Variants in NHSL3 observed in about 807,000 individuals in gnomAD.
NHSL3 encodes the protein NHS-like protein 3.
At chr1:32,745,786 T>C in the NHSL3 span, among the ~76,000 whole-genome samples, 1 of 152,114 alleles carries the variant, frequency 6.6e-6, no homozygotes. Context: ...AGGTTTCTGC[T>C]GTTGTTATGC....
the NHSL3 span, among the ~76,000 whole-genome samples, chr1:32,746,274 AAAAC>A: frequency 5.3e-5 from 8 of 152,280 alleles, no homozygotes; most frequent in South Asian, 2.1e-4. Context: ...AAAAAAAACA[AAAAC>A]AAACAGGAAT....
chr1:32,764,171 T>A, the NHSL3 span, among the ~76,000 whole-genome samples: 6 of 152,130 alleles, frequency 3.9e-5, no homozygotes, highest in African/African-American at 1.4e-4. Context: ...TATTCTTTTC[T>A]TAGAGGGGCT....
the NHSL3 span, chr1:32,742,221 G>C: frequency 3.2e-6 from 4 of 1,242,066 alleles, no homozygotes; most frequent in East Asian, 3.2e-5. Context: ...CTGAGCGCGG[G>C]GGGGCGTCGA....
the NHSL3 span, among the ~76,000 whole-genome samples, chr1:32,764,742 G>A: frequency 6.6e-6 from 1 of 152,240 alleles, no homozygotes; most frequent in African/African-American, 2.4e-5. Flanking sequence ...CAAAATGCTG[G>A]GATTACAGGC....
chr1:32,746,766 CAGA>C, the NHSL3 span, among the ~76,000 whole-genome samples: 1 of 152,262 alleles, frequency 6.6e-6, no homozygotes, highest in Non-Finnish European at 1.5e-5. Context: ...AGTCTGCCTC[CAGA>C]GGCCACACTC....
the NHSL3 span, chr1:32,767,692 A>G: frequency 1.9e-6 from 2 of 1,043,534 alleles, no homozygotes; most frequent in Non-Finnish European, 2.8e-6. Flanking sequence ...GGCCGTGTGC[A>G]GTCTGGGGAC....
At chr1:32,760,948 G>A in the NHSL3 span, among the ~76,000 whole-genome samples, 1 of 152,182 alleles carries the variant, frequency 6.6e-6, no homozygotes. Flanking sequence ...GACGCTGCCT[G>A]CTGCCTGAGT....
At chr1:32,745,094 C>A in the NHSL3 span, among the ~76,000 whole-genome samples, 11 of 150,404 alleles carry the variant, frequency 7.3e-5, no homozygotes, top group African/African-American at 2.7e-4. Flanking sequence ...CCGCTGCACT[C>A]CAGCCTGGGC....
At chr1:32,750,670 G>A in the NHSL3 span, among the ~76,000 whole-genome samples, 1 of 152,116 alleles carries the variant, frequency 6.6e-6, no homozygotes, top group African/African-American at 2.4e-5. Flanking sequence ...ACCATGCCCA[G>A]CAAATTTTTG....
chr1:32,772,297 A>AC, the NHSL3 span: 1 of 754,626 alleles, frequency 1.3e-6, no homozygotes. Context: ...CGCCTCCCCC[A>AC]GTTACCCTCG....
At chr1:32,758,039 C>T in the NHSL3 span, among the ~76,000 whole-genome samples, 294 of 152,188 alleles carry the variant, frequency 1.9e-3, 2 homozygotes, top group African/African-American at 6.7e-3. Context: ...CTCAAGGAAG[C>T]GTTGATCCCG....
the NHSL3 span, chr1:32,754,014 C>T: frequency 8.4e-6 from 4 of 475,182 alleles, no homozygotes; most frequent in Non-Finnish European, 1.5e-5. Flanking sequence ...TCGCTGCCTC[C>T]CTCCCGGGGC....
the NHSL3 span, chr1:32,774,920 T>A: frequency 6.6e-6 from 1 of 152,546 alleles, no homozygotes; most frequent in East Asian, 1.9e-4. Context: ...GTGAGACACA[T>A]GAAGAAAACT....
chr1:32,762,104 A>G, the NHSL3 span, among the ~76,000 whole-genome samples: 1 of 152,180 alleles, frequency 6.6e-6, no homozygotes, highest in East Asian at 1.9e-4. Context: ...ACTTCTTAGG[A>G]TTATTGTTTA....
At chr1:32,754,287 G>T in the NHSL3 span, 8 of 584,584 alleles carry the variant, frequency 1.4e-5, 1 homozygote, top group Middle Eastern at 4.4e-4. Context: ...AGTGTGGGGG[G>T]GTCGGGAATC....
At chr1:32,767,548 T>A in the NHSL3 span, among the ~76,000 whole-genome samples, 1 of 152,046 alleles carries the variant, frequency 6.6e-6, no homozygotes, top group African/African-American at 2.4e-5. Context: ...GCCCTTTGTG[T>A]GGTGTGGGTA....
chr1:32,747,895 G>A, the NHSL3 span, among the ~76,000 whole-genome samples: 3 of 152,174 alleles, frequency 2.0e-5, no homozygotes, highest in Non-Finnish European at 2.9e-5. Flanking sequence ...GATCACCTGA[G>A]GTCAGGAGTT....
the NHSL3 span, among the ~76,000 whole-genome samples, chr1:32,746,244 A>AAAAAG: frequency 2.1e-4 from 30 of 142,638 alleles, 1 homozygote; most frequent in South Asian, 4.3e-4. Context: ...AAAAAAAAAA[A>AAAAAG]AAACAAAAAA....
the NHSL3 span, among the ~76,000 whole-genome samples, chr1:32,747,857 A>AC: frequency 2.5e-3 from 379 of 152,262 alleles, 1 homozygote; most frequent in African/African-American, 8.9e-3. Context: ...CTGTAATCCC[A>AC]GTGCTTTCGG....
Sources: gnomAD v4.1 joint callset for allele counts (sites outside exome capture counted in the v4.1 genomes callset) on GRCh38, gnomAD v4.1.1 for gene constraint, MANE v1.5 for transcripts, NCBI Gene and HGNC (gene_info 2026-07-23, HGNC 2026-07-21) for gene names.